Variants in LGSN observed in about 807,000 individuals in gnomAD.
The protein encoded by LGSN is lengsin.
Under a neutral mutation model 19.5 loss-of-function variants are expected in LGSN, and 21 were observed. The ratio of observed to expected loss-of-function variants is 1.07; its 90% CI spans 0.76 to 1.55. The LOEUF (loss-of-function observed/expected upper bound fraction) is 1.55. Among genes scored for constraint, LGSN ranks in the 40% most tolerant of loss-of-function variants. The pLI is 0.00. For missense variants in LGSN, 673 were observed against 608.5 expected (o/e 1.11, Z -1.12); for synonymous variants, 257 against 215.6 (o/e 1.19, Z -1.68).
chr6:63,389,880 T>C, the LGSN span, among the ~76,000 whole-genome samples: 2 of 152,074 alleles, frequency 1.3e-5, no homozygotes, highest in African/African-American at 4.8e-5. Context: ...AGACATTAAG[T>C]GCATTAATGT....
the LGSN span, among the ~76,000 whole-genome samples, chr6:63,383,386 A>G: frequency 1.3e-5 from 2 of 151,766 alleles, no homozygotes; most frequent in Non-Finnish European, 2.9e-5. Flanking sequence ...ACACACACAC[A>G]CACACACACA....
the LGSN span, among the ~76,000 whole-genome samples, chr6:63,508,682 C>T: frequency 6.6e-6 from 1 of 151,810 alleles, no homozygotes; most frequent in Non-Finnish European, 1.5e-5. Flanking sequence ...TTTGGGAGGC[C>T]GAGGCAGGTG....
chr6:63,512,249 GT>G, the LGSN span, among the ~76,000 whole-genome samples: 1 of 151,998 alleles, frequency 6.6e-6, no homozygotes, highest in Non-Finnish European at 1.5e-5. Context: ...CTGCCAGCTA[GT>G]TTTTGTATTT....
At chr6:63,328,489 A>T in the LGSN span, among the ~76,000 whole-genome samples, 1 of 152,192 alleles carries the variant, frequency 6.6e-6, no homozygotes, top group Non-Finnish European at 1.5e-5. Context: ...TTACATCATG[A>T]GTACTCCAGA....
chr6:63,424,261 A>G, the LGSN span, among the ~76,000 whole-genome samples: 1 of 152,128 alleles, frequency 6.6e-6, no homozygotes. Flanking sequence ...TAAATAAACT[A>G]CCAAAACTCA....
At chr6:63,533,022 G>C in the LGSN span, among the ~76,000 whole-genome samples, 5 of 152,152 alleles carry the variant, frequency 3.3e-5, no homozygotes, top group African/African-American at 1.2e-4. Flanking sequence ...AAGAGCTACT[G>C]ACCTGACAGA....
chr6:63,288,417 G>T (rs1269811176), intron 2 of LGSN, among the ~76,000 whole-genome samples: 2 of 151,376 alleles, frequency 1.3e-5, no homozygotes, highest in Non-Finnish European at 2.9e-5. Context: ...TAATAAACAT[G>T]CCATCAAATA....
At chr6:63,354,497 T>G in the LGSN span, among the ~76,000 whole-genome samples, 1 of 152,122 alleles carries the variant, frequency 6.6e-6, no homozygotes, top group African/African-American at 2.4e-5. Context: ...ATATAACAGA[T>G]GCTGGTGAGG....
At chr6:63,472,809 C>A in the LGSN span, among the ~76,000 whole-genome samples, 1 of 151,886 alleles carries the variant, frequency 6.6e-6, no homozygotes, top group African/African-American at 2.4e-5. Flanking sequence ...GGCGTGGTGG[C>A]AGACACCTGT....
the LGSN span, among the ~76,000 whole-genome samples, chr6:63,459,662 T>A: frequency 6.6e-6 from 1 of 152,132 alleles, no homozygotes; most frequent in Non-Finnish European, 1.5e-5. Context: ...TAATCTTTTT[T>A]AAGCTTTACT....
the LGSN span, among the ~76,000 whole-genome samples, chr6:63,351,047 G>T: frequency 5.3e-5 from 8 of 152,122 alleles, no homozygotes; most frequent in Non-Finnish European, 8.8e-5. Flanking sequence ...AACATAAGAG[G>T]TGGGTCCTTT....
At chr6:63,531,093 C>T in the LGSN span, among the ~76,000 whole-genome samples, 1 of 152,114 alleles carries the variant, frequency 6.6e-6, no homozygotes, top group Admixed American at 6.6e-5. Flanking sequence ...AAAGATAGAT[C>T]AGGTTTCAAG....
At chr6:63,317,265 A>T (rs1213664209) in intron 1 of LGSN, among the ~76,000 whole-genome samples, 2 of 152,170 alleles carry the variant, frequency 1.3e-5, no homozygotes, top group Non-Finnish European at 2.9e-5. Context: ...ACATGTATTA[A>T]CTCATTTAAT....
chr6:63,399,520 G>T, the LGSN span, among the ~76,000 whole-genome samples: 2 of 150,920 alleles, frequency 1.3e-5, no homozygotes, highest in African/African-American at 4.9e-5. Flanking sequence ...TCAGCCTCCT[G>T]AGTAGCTGGG....
At chr6:63,572,827 G>T in the LGSN span, 3 of 396,024 alleles carry the variant, frequency 7.6e-6, no homozygotes, top group Admixed American at 4.4e-5. Flanking sequence ...GGTTGCCCCG[G>T]GTTGCGGTTC....
chr6:63,407,749 G>A, the LGSN span, among the ~76,000 whole-genome samples: 1 of 152,180 alleles, frequency 6.6e-6, no homozygotes, highest in Non-Finnish European at 1.5e-5. Flanking sequence ...GTCCCTGTTT[G>A]CAGATGACAT....
At chr6:63,412,768 AAAGG>A in the LGSN span, among the ~76,000 whole-genome samples, 3,845 of 22,638 alleles carry the variant, frequency 0.17, 360 homozygotes, top group East Asian at 0.31. Flanking sequence ...AGAAAGAAAG[AAAGG>A]AAGGAAGGGA....
chr6:63,443,963 G>T, the LGSN span, among the ~76,000 whole-genome samples: 1 of 151,302 alleles, frequency 6.6e-6, no homozygotes, highest in South Asian at 2.1e-4. Context: ...TGCCAATAGG[G>T]TATGGGAATT....
the LGSN span, among the ~76,000 whole-genome samples, chr6:63,359,146 C>A: frequency 6.6e-6 from 1 of 152,078 alleles, no homozygotes; most frequent in East Asian, 1.9e-4. Context: ...TATTGATTTG[C>A]ATATGTTGAA....
Sources: gnomAD v4.1 joint callset for allele counts (sites outside exome capture counted in the v4.1 genomes callset) on GRCh38, gnomAD v4.1.1 for gene constraint, MANE v1.5 for transcripts, NCBI Gene and HGNC (gene_info 2026-07-23, HGNC 2026-07-21) for gene names.